Variants in FRMD4B observed in about 807,000 individuals in gnomAD.
The protein encoded by FRMD4B is FERM domain-containing protein 4B.
A neutral mutation model predicts 141.5 loss-of-function variants in FRMD4B; 74 were observed. The observed-to-expected ratio is 0.52, with a 90% CI of 0.43 to 0.63. FRMD4B has a LOEUF of 0.63. FRMD4B is among the 30% of genes least tolerant of loss of function. The probability of loss-of-function intolerance (pLI) is 0.00; values close to 1 mark genes in which losing one functional copy is unlikely to be tolerated. For missense variants in FRMD4B, 1,366 were observed against 1,253.4 expected, an observed-to-expected ratio of 1.09 and a Z score of -1.36; for synonymous variants, 506 against 467.9, an observed-to-expected ratio of 1.08 and a Z score of -1.05.
intron 1 of FRMD4B, among the ~76,000 whole-genome samples, chr3:69,336,202 A>G (rs949236044): frequency 6.6e-6 from 1 of 152,196 alleles, no homozygotes; most frequent in African/African-American, 2.4e-5. Flanking sequence ...AGAACAAGAG[A>G]CAAGCTTAGA....
chr3:69,455,088 C>T (rs1484309499), intron 1 of FRMD4B, among the ~76,000 whole-genome samples: 1 of 152,156 alleles, frequency 6.6e-6, no homozygotes, highest in East Asian at 1.9e-4. Flanking sequence ...CTGTGTCTAG[C>T]TCAGGGATTG....
chr3:69,535,442 A>C (rs577468499), intron 1 of FRMD4B, among the ~76,000 whole-genome samples: 1 of 151,364 alleles, frequency 6.6e-6, no homozygotes, highest in East Asian at 1.9e-4. Flanking sequence ...GTGAATTGGT[A>C]ACCATGTGCT....
At chr3:69,428,120 T>C (rs946267145) in intron 2 of FRMD4B, among the ~76,000 whole-genome samples, 1 of 151,946 alleles carries the variant, frequency 6.6e-6, no homozygotes, top group East Asian at 2.0e-4. Context: ...AAGGCCAACA[T>C]AGTTTATAGA....
At chr3:69,344,689 T>A (rs749902534) in intron 1 of FRMD4B, among the ~76,000 whole-genome samples, 1 of 152,236 alleles carries the variant, frequency 6.6e-6, no homozygotes, top group East Asian at 1.9e-4. Flanking sequence ...TTCTCCTTTA[T>A]AGACGACCAG....
At chr3:69,228,568 C>T (rs1286038493) in intron 7 of FRMD4B, 1 of 428,480 alleles carries the variant, frequency 2.3e-6, no homozygotes, top group East Asian at 7.1e-5. Flanking sequence ...GGCATGGTGG[C>T]TCATGCCTAT....
chr3:69,342,306 T>C (rs1702766487), intron 1 of FRMD4B, among the ~76,000 whole-genome samples: 1 of 152,136 alleles, frequency 6.6e-6, no homozygotes, highest in Admixed American at 6.5e-5. Context: ...CCAAGTGAAA[T>C]CCAGACAAAG....
chr3:69,406,995 T>G (rs1704660948), intron 2 of FRMD4B, among the ~76,000 whole-genome samples: 1 of 151,536 alleles, frequency 6.6e-6, no homozygotes, highest in Admixed American at 6.6e-5. Flanking sequence ...GGATCTGCCT[T>G]GGCCTCTGAA....
intron 2 of FRMD4B, among the ~76,000 whole-genome samples, chr3:69,393,344 A>AAAG (rs1704418746): frequency 6.6e-6 from 1 of 151,884 alleles, no homozygotes; most frequent in Non-Finnish European, 1.5e-5. Flanking sequence ...AAAAAAAAAA[A>AAAG]AGAGCGTCAT....
chr3:69,302,347 C>G lies in FRMD4B; in HGVS notation c.412G>C (p.Val138Leu), dbSNP rs754519275. Residue 138 changes from valine (V) to leucine (L), a missense_variant, in exon 4 of 23, where the codon GTG becomes CTG. Transcript: ENST00000398540. ...KPGPTILHFA[V>L]RFYIESISFL... is the part of the protein sequence containing the mutation. ...ACTGGGTCTGTGGATACATACCTCA[C>G]AGCAAAGTGCAAAATGGTTGGGCCT... The G allele has an allele frequency of 6.3e-7, 1 of 1,581,430 alleles. No individual in the cohort carries two copies. Among genetic ancestry groups the G allele is most frequent in the Non-Finnish European group, 8.7e-7 (1 of 1,152,364 alleles).
chr3:69,289,251 G>A (rs1163412656), intron 4 of FRMD4B, among the ~76,000 whole-genome samples: 1 of 152,138 alleles, frequency 6.6e-6, no homozygotes, highest in Non-Finnish European at 1.5e-5. Flanking sequence ...GTTTCTTTGT[G>A]TCTTTTTTAA....
intron 17 of FRMD4B, among the ~76,000 whole-genome samples, chr3:69,191,294 C>T (rs772679368): frequency 3.7e-4 from 56 of 152,116 alleles, no homozygotes; most frequent in Non-Finnish European, 6.8e-4. Flanking sequence ...GTGGTGTATG[C>T]CTGTAATCCC....
intron 17 of FRMD4B, among the ~76,000 whole-genome samples, chr3:69,192,465 G>C (rs565110734): frequency 6.6e-6 from 1 of 152,230 alleles, no homozygotes; most frequent in South Asian, 2.1e-4. Flanking sequence ...AAATGTCTTA[G>C]AATCAAAGAA....
chr3:69,444,356 G>A (rs1453701011), intron 1 of FRMD4B, among the ~76,000 whole-genome samples: 1 of 152,196 alleles, frequency 6.6e-6, no homozygotes, highest in Non-Finnish European at 1.5e-5. Context: ...TAGATTTTGT[G>A]AAATCAAAAT....
intron 2 of FRMD4B, among the ~76,000 whole-genome samples, chr3:69,392,838 A>G (rs977519171): frequency 6.6e-6 from 1 of 152,086 alleles, no homozygotes; most frequent in African/African-American, 2.4e-5. Flanking sequence ...AGGAGGCCCG[A>G]GCGACACAAG....
At chr3:69,291,114 A>G (rs1370331048) in intron 4 of FRMD4B, among the ~76,000 whole-genome samples, 2 of 152,258 alleles carry the variant, frequency 1.3e-5, no homozygotes, top group African/African-American at 2.4e-5. Flanking sequence ...CCTTTTTAAA[A>G]GTTAGAGTAG....
chr3:69,348,117 T>C (rs1423557595), intron 1 of FRMD4B, among the ~76,000 whole-genome samples: 8 of 151,170 alleles, frequency 5.3e-5, no homozygotes, highest in Admixed American at 5.3e-4. Context: ...GAGAGAAGAA[T>C]CAAATAGATG....
chr3:69,206,998 C>T (rs1479427567), intron 11 of FRMD4B, among the ~76,000 whole-genome samples: 1 of 152,088 alleles, frequency 6.6e-6, no homozygotes, highest in Non-Finnish European at 1.5e-5. Flanking sequence ...TCATTGGTCA[C>T]AAGTATATAA....
At chr3:69,274,672 C>G (rs902160330) in intron 5 of FRMD4B, among the ~76,000 whole-genome samples, 16 of 152,066 alleles carry the variant, frequency 1.1e-4, no homozygotes, top group African/African-American at 3.9e-4. Flanking sequence ...GTGCATGCCA[C>G]CAGGCCTGGC....
chr3:69,503,227 T>C (rs1200804616), intron 1 of FRMD4B, among the ~76,000 whole-genome samples: 3 of 152,054 alleles, frequency 2.0e-5, no homozygotes, highest in Non-Finnish European at 4.4e-5. Context: ...TATAAAGACA[T>C]ATGCACACCT....
Sources: allele counts gnomAD v4.1 joint callset (sites outside exome capture counted in the v4.1 genomes callset), GRCh38; gene constraint gnomAD v4.1.1; transcripts MANE v1.5; gene names NCBI Gene and HGNC (gene_info 2026-07-23, HGNC 2026-07-21).